The following CSMD1 variants were observed in gnomAD, a reference collection of about 807,000 sequenced individuals.
CSMD1 encodes CUB and Sushi multiple domains 1.
In CSMD1, 213 loss-of-function variants were observed where a neutral mutation model predicts 417.5. The ratio of observed to expected loss-of-function variants is 0.51; its 90% CI spans 0.46 to 0.57. CSMD1 has a LOEUF of 0.57. Ranked by LOEUF, CSMD1 falls within the 20% of genes least tolerant of loss-of-function variation. The pLI, the probability that CSMD1 is intolerant of heterozygous loss-of-function variation, is 0.00. For missense variants in CSMD1, 6,923 were observed against 4,529.7 expected (o/e 1.53, Z -15.17); for synonymous variants, 2,862 against 1,736.8 (o/e 1.65, Z -16.11).
chr8:4,555,371 G>T (rs914787670), intron 2 of CSMD1, among the ~76,000 whole-genome samples: 1 of 152,120 alleles, frequency 6.6e-6, no homozygotes, highest in Non-Finnish European at 1.5e-5. Flanking sequence ...GGAGGGACGG[G>T]GAATGTCGTG....
intron 2 of CSMD1, among the ~76,000 whole-genome samples, chr8:4,455,908 G>T (rs897064090): frequency 6.3e-5 from 5 of 78,818 alleles, no homozygotes; most frequent in Non-Finnish European, 1.2e-4. Flanking sequence ...CAGCCTGGGT[G>T]ACAAAGTGAG....
At position 3,998,067 on chromosome 8, in the gene CSMD1, G is replaced by A. The variant is rs1459780710; in HGVS notation, c.654C>T (p.Ser218=). Residue 218 remains serine, a synonymous_variant, in exon 5 of 70, where the codon TCC becomes TCT. Coordinates refer to ENST00000635120, the MANE Select transcript of CSMD1 (RefSeq NM_033225.6). The part of the protein sequence containing the change: ...CGGTLRGTSS[S]ISSPHFPSEY... ...CTGAAGGGAAGTGCGGGCTGGAGAT[G>A]GAGCTGCTGGTCCCGCGTAAGGTTC... 1.3e-6 allele frequency: 2 copies of A among 1,591,964 alleles called. No individual in the cohort carries two copies. The highest frequency in any genetic ancestry group is 1.3e-5 in the African/African-American group (1 of 74,542).
In CSMD1 at chr8:3,392,303, AAAT is replaced by A. The variant is rs565396225; in HGVS notation, c.2593+3888_2593+3890del. Among the ~76,000 whole-genome samples the A allele has an allele frequency of 4.1e-3, 631 of 152,252 alleles. 4 individuals are homozygous for A. The highest frequency in any genetic ancestry group is 8.8e-3 in the Admixed American group (135 of 15,288). ...TTGGATGACATTTTCACTTGAAAAA[AAAT>A]AATAATTCTTGGGTCACAGGCAACC... On this transcript the variant is annotated intron_variant, in intron 17 of 69. Transcript: ENST00000635120.
chr8:3,573,958 T>G (rs1191414892), intron 10 of CSMD1, among the ~76,000 whole-genome samples: 1 of 152,088 alleles, frequency 6.6e-6, no homozygotes, highest in Non-Finnish European at 1.5e-5. Flanking sequence ...TATATTGAAC[T>G]TAAAAGGAGT....
rs562297142 is a variant in CSMD1 at position 3,279,742 on chromosome 8, G to A, written c.4153+4402C>T. Among the ~76,000 whole-genome samples, 3 of 152,192 alleles carry A rather than the reference G, an allele frequency of 2.0e-5. No homozygotes were observed. In the South Asian group the frequency reaches 6.2e-4, roughly 32 times the overall value. On this transcript the variant is annotated intron_variant, in intron 26 of 69. Transcript: ENST00000635120. ...TGGAGGAAGGTGAAGGGGAAGCAAA[G>A]CACCTTCTTTAGAGGGTGTTAGAAA...
chr8:3,674,334 T>C (rs1799255206), intron 7 of CSMD1, among the ~76,000 whole-genome samples: 1 of 152,130 alleles, frequency 6.6e-6, no homozygotes, highest in Non-Finnish European at 1.5e-5. Context: ...ATGTAAAATA[T>C]CCTATAATCT....
intron 49 of CSMD1, among the ~76,000 whole-genome samples, chr8:3,085,181 C>T (rs1208792950): frequency 6.6e-6 from 1 of 151,794 alleles, no homozygotes; most frequent in African/African-American, 2.4e-5. Context: ...TTATGAAGTC[C>T]CTTAACTTTT....
At chr8:3,655,955 C>G (rs1238974209) in intron 7 of CSMD1, among the ~76,000 whole-genome samples, 1 of 152,126 alleles carries the variant, frequency 6.6e-6, no homozygotes, top group Non-Finnish European at 1.5e-5. Context: ...GACTCTGATT[C>G]CTGTCCCACC....
chr8:3,550,324 G>A (rs1038046024), intron 10 of CSMD1, among the ~76,000 whole-genome samples: 2 of 152,020 alleles, frequency 1.3e-5, no homozygotes, highest in Admixed American at 1.3e-4. Context: ...GGCATTTCTT[G>A]GACACAGCAA....
intron 37 of CSMD1, among the ~76,000 whole-genome samples, chr8:3,173,661 G>C (rs1294178420): frequency 6.6e-6 from 1 of 152,184 alleles, no homozygotes; most frequent in Non-Finnish European, 1.5e-5. Flanking sequence ...GTTGGAGGTA[G>C]TAAGCTCTCG....
chr8:3,170,837 C>A (rs903717199), intron 37 of CSMD1, among the ~76,000 whole-genome samples: 1 of 152,110 alleles, frequency 6.6e-6, no homozygotes, highest in Non-Finnish European at 1.5e-5. Flanking sequence ...AAGCATTTTC[C>A]CACTGATTGG....
chr8:4,808,715 C>G (rs1798724809), intron 1 of CSMD1, among the ~76,000 whole-genome samples: 1 of 152,114 alleles, frequency 6.6e-6, no homozygotes, highest in Admixed American at 6.5e-5. Context: ...TTGAACACGC[C>G]CACTCAGAAA....
chr8:4,236,778 G>A (rs1265280933), intron 3 of CSMD1, among the ~76,000 whole-genome samples: 1 of 152,104 alleles, frequency 6.6e-6, no homozygotes, highest in African/African-American at 2.4e-5. Flanking sequence ...TTTACAAGGT[G>A]GGCAATTACT....
At chr8:4,731,581 G>T (rs867289798) in intron 1 of CSMD1, among the ~76,000 whole-genome samples, 2 of 152,054 alleles carry the variant, frequency 1.3e-5, no homozygotes, top group Non-Finnish European at 2.9e-5. Context: ...ATATTTTGAG[G>T]AGTGTGAGGA....
At chr8:4,013,834 T>C (rs1796394249) in intron 4 of CSMD1, among the ~76,000 whole-genome samples, 1 of 152,136 alleles carries the variant, frequency 6.6e-6, no homozygotes, top group African/African-American at 2.4e-5. Context: ...TATGGGGTCT[T>C]TTGATCTACA....
At chr8:4,864,612 G>A (rs901942076) in intron 1 of CSMD1, among the ~76,000 whole-genome samples, 3 of 151,396 alleles carry the variant, frequency 2.0e-5, no homozygotes, top group Admixed American at 6.6e-5. Flanking sequence ...ATAGTTACTA[G>A]CTTTATTAAT....
At chr8:3,575,843 A>T (rs1800128908) in intron 9 of CSMD1, among the ~76,000 whole-genome samples, 1 of 52,348 alleles carries the variant, frequency 1.9e-5, no homozygotes, top group African/African-American at 4.8e-5. Context: ...TTATGAAAGG[A>T]GTTTTTTTTT....
intron 8 of CSMD1, among the ~76,000 whole-genome samples, chr8:3,607,520 T>C (rs1260692144): frequency 6.6e-6 from 1 of 152,160 alleles, no homozygotes; most frequent in African/African-American, 2.4e-5. Context: ...AGTACATCTG[T>C]CTTACATCAA....
chr8:4,774,799 A>G (rs1473265335), intron 1 of CSMD1, among the ~76,000 whole-genome samples: 1 of 151,716 alleles, frequency 6.6e-6, no homozygotes, highest in African/African-American at 2.4e-5. Context: ...CTCCCCGCCA[A>G]CCCCCACTCG....
Sources: gnomAD v4.1 joint callset for allele counts (sites outside exome capture counted in the v4.1 genomes callset) on GRCh38, gnomAD v4.1.1 for gene constraint, MANE v1.5 for transcripts, NCBI Gene and HGNC (gene_info 2026-07-23, HGNC 2026-07-21) for gene names.